ABR: variants seen among roughly 807,000 people sequenced by gnomAD.
ABR encodes ABR activator of RhoGEF and GTPase.
In ABR, 35 loss-of-function variants were observed where a neutral mutation model predicts 107.2. That is an observed-to-expected ratio of 0.33 (90% CI 0.25 to 0.43). ABR has a LOEUF of 0.43. ABR is among the 20% of genes least tolerant of loss of function. The pLI, the probability that ABR is intolerant of heterozygous loss-of-function variation, is 1.00. For missense variants in ABR, 815 were observed against 1,115.2 expected (o/e 0.73, Z 3.83); for synonymous variants, 498 against 462.0 (o/e 1.08, Z -1.00).
At chr17:1,127,942 A>C (rs1170326095) in intron 1 of ABR, among the ~76,000 whole-genome samples, 1 of 152,102 alleles carries the variant, frequency 6.6e-6, no homozygotes, top group Non-Finnish European at 1.5e-5. Context: ...ATTTACATAC[A>C]ATTGCCGAAG....
chr17:1,207,522 G>A (rs139857543), intron 1 of ABR, among the ~76,000 whole-genome samples: 15 of 150,894 alleles, frequency 9.9e-5, no homozygotes, highest in African/African-American at 3.2e-4. Context: ...GGTGGCAGGC[G>A]CCTGTAATCC....
intron 3 of ABR, among the ~76,000 whole-genome samples, chr17:1,099,282 C>T (rs745427139): frequency 2.0e-5 from 3 of 152,112 alleles, no homozygotes; most frequent in African/African-American, 7.2e-5. Flanking sequence ...ACCACATTGG[C>T]CAGGCTGGTC....
At chr17:1,038,571 G>GGTGTGC (rs2073374530) in intron 16 of ABR, among the ~76,000 whole-genome samples, 1 of 152,152 alleles carries the variant, frequency 6.6e-6, no homozygotes, top group Non-Finnish European at 1.5e-5. Context: ...GCGTGAACAC[G>GGTGTGC]GTGTGCCCAT....
chr17:1,072,373 A>G (rs1274637045), intron 8 of ABR, among the ~76,000 whole-genome samples: 1 of 151,370 alleles, frequency 6.6e-6, no homozygotes, highest in Non-Finnish European at 1.5e-5. Flanking sequence ...CGTGTGTGAG[A>G]GAAGGGGACG....
At chr17:1,077,542 G>A (rs1286405264) in intron 6 of ABR, among the ~76,000 whole-genome samples, 2 of 152,128 alleles carry the variant, frequency 1.3e-5, no homozygotes, top group African/African-American at 2.4e-5. Flanking sequence ...CTGCTGGGCC[G>A]CAGGAGAGAG....
In ABR at chr17:1,004,770, C is replaced by G. The variant is rs1170818517; in HGVS notation, c.*1310G>C. 2.9e-6 allele frequency: 1 copy of G among 341,162 alleles called. No homozygotes were observed. The highest frequency in any genetic ancestry group is 5.3e-6 in the Non-Finnish European group (1 of 189,492). The allele number at this position is 341,162 out of a possible 1,614,324, so 21.1% of individuals were successfully genotyped here. A position where few individuals can be genotyped will look rare whatever the true frequency, so the allele number is the denominator to read the frequency against. ...TGATTCCCCACTCTCCCCACAACTT[C>G]TGGAGTTCCCAGTGTTTACCCAAAA... is the stretch of plus-strand genomic sequence containing the variant. On this transcript the variant is annotated 3_prime_UTR_variant, in exon 23 of 23. Transcript: ENST00000302538.
At chr17:1,036,246 C>T (rs558030401) in intron 16 of ABR, among the ~76,000 whole-genome samples, 4 of 152,178 alleles carry the variant, frequency 2.6e-5, no homozygotes, top group Non-Finnish European at 4.4e-5. Flanking sequence ...AGGCCACAGG[C>T]GCCCCAGTGG....
intron 16 of ABR, among the ~76,000 whole-genome samples, chr17:1,044,448 G>A (rs2031240076): frequency 6.6e-6 from 1 of 152,114 alleles, no homozygotes; most frequent in Non-Finnish European, 1.5e-5. Context: ...TCAGGAGTTT[G>A]AGACCAGCCT....
chr17:1,199,936 T>A (rs549133768), intron 1 of ABR, among the ~76,000 whole-genome samples: 24 of 151,592 alleles, frequency 1.6e-4, no homozygotes, highest in African/African-American at 4.8e-4. Flanking sequence ...TTTTTTTTTT[T>A]ATTATACTTT....
chr17:1,046,246 C>T (rs185774588), intron 16 of ABR, among the ~76,000 whole-genome samples: 3 of 133,432 alleles, frequency 2.2e-5, no homozygotes, highest in East Asian at 2.0e-4. Context: ...CCTCCTAATC[C>T]GCCCGCCTCG....
At position 1,147,405 on chromosome 17, in the gene ABR, G is replaced by T. The variant is rs143043682; in HGVS notation, c.62-22038C>A. On this transcript the variant is annotated intron_variant, in intron 1 of 22. Transcript: ENST00000302538. ...ACACAGAGTCTCACTCTGTCGCCCAGCCTGGAGTGCAGTGGCACAATCTTG... is the reference window on the plus strand; with the variant it reads ...ACACAGAGTCTCACTCTGTCGCCCATCCTGGAGTGCAGTGGCACAATCTTG... Among the ~76,000 whole-genome samples, 28 of 150,998 alleles carry T rather than the reference G, an allele frequency of 1.9e-4. No homozygotes were observed. In the East Asian group the frequency reaches 5.5e-3, roughly 29 times the overall value.
At chr17:1,028,152 A>T (rs577562666) in intron 16 of ABR, among the ~76,000 whole-genome samples, 2 of 151,872 alleles carry the variant, frequency 1.3e-5, no homozygotes, top group Non-Finnish European at 2.9e-5. Context: ...GTGCAGTGGC[A>T]TGATCTCGGC....
chr17:1,009,972 C>T, intron 20 of ABR, 188 bp from the exon 21 acceptor site: 2 of 607,258 alleles, frequency 3.3e-6, no homozygotes, highest in Non-Finnish European at 5.8e-6. Context: ...GGAGGCCCCA[C>T]CACGACTGGT....
At chr17:1,012,186 A>G (rs750061216) in intron 18 of ABR, 2 of 811,172 alleles carry the variant, frequency 2.5e-6, no homozygotes, top group South Asian at 2.9e-5. Flanking sequence ...AGGGGCATCG[A>G]CGGACGTGGG....
intron 2 of ABR, among the ~76,000 whole-genome samples, chr17:1,120,875 C>T (rs1225322107): frequency 6.6e-6 from 1 of 152,206 alleles, no homozygotes; most frequent in Non-Finnish European, 1.5e-5. Flanking sequence ...TTCTCTCTGC[C>T]TTGTAGCCCC....
chr17:1,125,498 CG>C (rs1300980873), intron 1 of ABR, 131 bp from the exon 2 acceptor site: 5 of 977,726 alleles, frequency 5.1e-6, no homozygotes, highest in African/African-American at 5.1e-5. Flanking sequence ...CTGGCCCGGG[CG>C]GGGGCTGTGC....
At chr17:1,016,494 G>T (rs1286889886) in intron 16 of ABR, among the ~76,000 whole-genome samples, 3 of 151,502 alleles carry the variant, frequency 2.0e-5, no homozygotes, top group Non-Finnish European at 2.9e-5. Context: ...TTTTTTATTT[G>T]TAGTGGAGAT....
In ABR at chr17:1,010,133, C is replaced by T. The variant is rs546782084; in HGVS notation, c.2237-349G>A. On this transcript the variant is annotated intron_variant, in intron 20 of 22. Coordinates refer to ENST00000302538, the MANE Select transcript of ABR (RefSeq NM_021962.5). The surrounding 1 kb of genome is among the most constrained non-coding windows in gnomAD (Gnocchi z 4.1). ...AGCCAGTAGGGACATATCCTGCCAG[C>T]GGTGGATTCTCTTTCTCCACCCCTT... The T allele has an allele frequency of 3.8e-5, 12 of 315,488 alleles. No homozygotes were observed. The South Asian group carries it at 5.2e-4, about 14-fold the overall frequency. The allele number at this position is 315,488 out of a possible 1,614,324, so 19.5% of individuals were successfully genotyped here.
At chr17:1,087,084 C>T (rs921851686) in intron 4 of ABR, among the ~76,000 whole-genome samples, 1 of 152,154 alleles carries the variant, frequency 6.6e-6, no homozygotes, top group Non-Finnish European at 1.5e-5. Context: ...TCATGTGTGA[C>T]GCTGTATTTT....
Sources: gnomAD v4.1 joint callset for allele counts (sites outside exome capture counted in the v4.1 genomes callset) on GRCh38, gnomAD v4.1.1 for gene constraint, Gnocchi (gnomAD v3.1) non-coding constraint, MANE v1.5 for transcripts, NCBI Gene and HGNC (gene_info 2026-07-23, HGNC 2026-07-21) for gene names.